The following PTN variants were observed in gnomAD, a reference collection of about 807,000 sequenced individuals.
PTN encodes pleiotrophin.
A neutral mutation model predicts 24.1 loss-of-function variants in PTN; 18 were observed. That is an observed-to-expected ratio of 0.75 (90% CI 0.52 to 1.11). PTN has a LOEUF of 1.11. Among genes scored for constraint, PTN ranks in the 50% least tolerant of loss-of-function variants. The pLI, the probability that PTN is intolerant of heterozygous loss-of-function variation, is 0.00. For missense variants in PTN, 163 were observed against 198.8 expected (o/e 0.82, Z 1.08); for synonymous variants, 78 against 68.6 (o/e 1.14, Z -0.67).
At chr7:137,249,804 G>T (rs1238567429) in intron 4 of PTN, among the ~76,000 whole-genome samples, 3 of 152,136 alleles carry the variant, frequency 2.0e-5, no homozygotes, top group African/African-American at 7.2e-5. Context: ...ACAACAGGCA[G>T]AGATTTCCAT....
intron 1 of PTN, among the ~76,000 whole-genome samples, chr7:137,310,388 ATGTTTTTTTTTTTT>A (rs759453807): frequency 1.9e-3 from 217 of 112,448 alleles, no homozygotes; most frequent in Non-Finnish European, 1.6e-3. Context: ...TCAAGTTACC[ATGTTTTTTTTTTTT>A]TGTTTTTTTT....
chr7:137,235,302 C>A (rs1808500045), intron 4 of PTN, among the ~76,000 whole-genome samples: 1 of 152,048 alleles, frequency 6.6e-6, no homozygotes, highest in Non-Finnish European at 1.5e-5. Flanking sequence ...TCCCTCGCCC[C>A]ACGTCAGCTA....
chr7:137,289,422 C>A (rs772873445), intron 1 of PTN, among the ~76,000 whole-genome samples: 1 of 152,154 alleles, frequency 6.6e-6, no homozygotes, highest in Non-Finnish European at 1.5e-5. Context: ...CTTCTCTTAT[C>A]GATCGAGCAA....
intron 1 of PTN, among the ~76,000 whole-genome samples, chr7:137,327,811 C>T (rs1273927028): frequency 6.6e-6 from 1 of 152,108 alleles, no homozygotes; most frequent in Non-Finnish European, 1.5e-5. Context: ...AACTAAGATG[C>T]CTACAGGCCA....
At chr7:137,233,102 T>G (rs773199576) in intron 4 of PTN, among the ~76,000 whole-genome samples, 13 of 151,988 alleles carry the variant, frequency 8.6e-5, no homozygotes, top group Non-Finnish European at 1.9e-4. Context: ...GTTACAATTC[T>G]GAGCCCATGT....
At chr7:137,290,548 G>A (rs1240249419) in intron 1 of PTN, among the ~76,000 whole-genome samples, 3 of 152,092 alleles carry the variant, frequency 2.0e-5, no homozygotes, top group African/African-American at 7.2e-5. Context: ...TAATATGTAA[G>A]TAATGCTTTA....
chr7:137,291,710 G>A lies in PTN; in HGVS notation c.-1-36736C>T, dbSNP rs775419476. ...AACACTTATGTCCTCTGACGTAAGC[G>A]CTGACTCCATTTTTTCAAAGCTCCT... is the stretch of plus-strand genomic sequence containing the variant. On this transcript the variant is annotated intron_variant, in intron 1 of 4. Coordinates refer to ENST00000348225, the MANE Select transcript of PTN (RefSeq NM_002825.7). 1.4e-3 allele frequency among the ~76,000 whole-genome samples: 218 copies of A among 151,982 alleles called. 1 individual carries two copies. The highest frequency in any genetic ancestry group is 1.7e-3 in the African/African-American group (70 of 41,454).
intron 1 of PTN, among the ~76,000 whole-genome samples, chr7:137,324,193 A>T (rs182909447): frequency 1.3e-5 from 2 of 151,796 alleles, no homozygotes; most frequent in African/African-American, 4.8e-5. Flanking sequence ...ATGGCTCTCA[A>T]ACTTTAGTGT....
chr7:137,273,675 A>C (rs183693953), intron 1 of PTN, among the ~76,000 whole-genome samples: 319 of 152,324 alleles, frequency 2.1e-3, no homozygotes, highest in Non-Finnish European at 3.2e-3. Flanking sequence ...GATGGACCTC[A>C]AAAGAAGACA....
chr7:137,294,374 GAGA>G (rs1291788723), intron 1 of PTN, among the ~76,000 whole-genome samples: 1 of 152,134 alleles, frequency 6.6e-6, no homozygotes, highest in Non-Finnish European at 1.5e-5. Context: ...GCATCATACA[GAGA>G]AGTTCTCCCG....
intron 1 of PTN, among the ~76,000 whole-genome samples, chr7:137,314,393 G>A (rs904330396): frequency 1.3e-5 from 2 of 152,164 alleles, no homozygotes; most frequent in African/African-American, 2.4e-5. Flanking sequence ...GCAATTGATG[G>A]AAGGTAGACA....
At chr7:137,316,779 G>T (rs1030345866) in intron 1 of PTN, among the ~76,000 whole-genome samples, 8 of 152,154 alleles carry the variant, frequency 5.3e-5, no homozygotes, top group African/African-American at 1.7e-4. Context: ...AAATTAGCCG[G>T]CTGCCGGGTT....
At chr7:137,307,925 G>A (rs763573272) in intron 1 of PTN, among the ~76,000 whole-genome samples, 1 of 152,108 alleles carries the variant, frequency 6.6e-6, no homozygotes, top group African/African-American at 2.4e-5. Context: ...TGAGTGAGAG[G>A]GAAAGGATAT....
chr7:137,306,029 CA>C (rs981686062), intron 1 of PTN, among the ~76,000 whole-genome samples: 2 of 152,004 alleles, frequency 1.3e-5, no homozygotes, highest in Non-Finnish European at 2.9e-5. Flanking sequence ...GAAAAGAACC[CA>C]AAAAGGGACT....
chr7:137,333,502 C>T (rs1032638911), intron 1 of PTN, among the ~76,000 whole-genome samples: 2 of 152,124 alleles, frequency 1.3e-5, no homozygotes, highest in Non-Finnish European at 2.9e-5. Flanking sequence ...GCAGCCCCAC[C>T]GTCTTCAAGG....
At position 137,281,487 on chromosome 7, in the gene PTN, A is replaced by G. The variant is rs182201598; in HGVS notation, c.-1-26513T>C. Among the ~76,000 whole-genome samples the G allele has an allele frequency of 2.7e-3, 410 of 152,342 alleles. 2 individuals carry two copies. Among genetic ancestry groups the G allele is most frequent in the African/African-American group, 9.5e-3 (394 of 41,572 alleles). The stretch of plus-strand genomic sequence containing the variant: ...GCTGTGCAAGGCTACTCTCAGGGCC[A>G]GTAGCGTGGACCTCACCCAGGTGCT... On this transcript the variant is annotated intron_variant, in intron 1 of 4. Coordinates refer to ENST00000348225, the MANE Select transcript of PTN (RefSeq NM_002825.7).
intron 1 of PTN, among the ~76,000 whole-genome samples, chr7:137,263,305 G>A (rs1298141191): frequency 1.3e-5 from 2 of 152,058 alleles, no homozygotes; most frequent in African/African-American, 4.8e-5. Flanking sequence ...ACTTGTACAG[G>A]CACATGTGCC....
At position 137,343,716 on chromosome 7, in the gene PTN, G is replaced by A. The variant is rs533440778; in HGVS notation, c.-279C>T. 26 of 468,102 alleles carry A rather than the reference G, an allele frequency of 5.6e-5. 1 individual carries two copies. Among genetic ancestry groups the A allele is most frequent in the South Asian group, 3.5e-4 (23 of 65,472 alleles). The allele number at this position is 468,102 out of a possible 1,614,324, so 29.0% of individuals were successfully genotyped here. On this transcript the variant is annotated 5_prime_UTR_variant, in exon 1 of 5. Coordinates refer to ENST00000348225, the MANE Select transcript of PTN (RefSeq NM_002825.7). ...AATTACGCCCTGACAGGGAGGGAAC[G>A]GAAGGGAAATGGAGAATGGGAGGGA...
At chr7:137,228,227 C>T (rs1199725845) in intron 4 of PTN, 152 bp from the exon 5 acceptor site, 3 of 613,430 alleles carry the variant, frequency 4.9e-6, no homozygotes, top group South Asian at 4.0e-5. Flanking sequence ...ACTGAGAAAA[C>T]ACTATGTGTA....
Sources: allele counts gnomAD v4.1 joint callset (sites outside exome capture counted in the v4.1 genomes callset), GRCh38; gene constraint gnomAD v4.1.1; transcripts MANE v1.5; gene names NCBI Gene and HGNC (gene_info 2026-07-23, HGNC 2026-07-21).